MADD: variants seen among roughly 807,000 people sequenced by gnomAD.
MADD encodes MAP kinase activating death domain.
MADD carries 109 observed loss-of-function variants against 176.7 expected under a neutral mutation model. The observed-to-expected ratio is 0.62, with a 90% CI of 0.53 to 0.72. The LOEUF is 0.72. MADD is among the 30% of genes least tolerant of loss of function. MADD has a pLI of 0.00. For missense variants in MADD, 1,914 were observed against 2,045.5 expected (o/e 0.94, Z 1.24); for synonymous variants, 771 against 771.3 (o/e 1.00, Z 0.01).
rs748579399 is a variant in MADD, at chr11:47,297,863, A to C, written c.3642+1808A>C. On this transcript the variant is annotated intron_variant, in intron 22 of 32. Transcript: ENST00000402192. ...GAGTGCAGTGGCGCGATCTCTGCTC[A>C]CTGCAATCTCCACCTCCCAGGTTCA... is the stretch of plus-strand genomic sequence containing the variant. 2.2e-4 allele frequency among the ~76,000 whole-genome samples: 30 copies of C among 135,990 alleles called. 1 individual carries two copies. The highest frequency in any genetic ancestry group is 9.1e-5 in the Non-Finnish European group (6 of 65,848). The allele number at this position is 135,990 out of a possible 152,430, so 89.2% of individuals were successfully genotyped here. A position where few individuals can be genotyped will look rare whatever the true frequency, so the allele number is the denominator to read the frequency against.
chr11:47,316,763 A>C (rs182942166), intron 27 of MADD, among the ~76,000 whole-genome samples: 311 of 151,548 alleles, frequency 2.1e-3, no homozygotes, highest in Non-Finnish European at 3.4e-3. Context: ...TTTTTCTTTG[A>C]GACAGAGTGT....
chr11:47,314,010 G>A lies in MADD; in HGVS notation c.4090-1210G>A, dbSNP rs192202099. 3.0e-3 allele frequency among the ~76,000 whole-genome samples: 461 copies of A among 151,844 alleles called. 6 individuals are homozygous for A. The highest frequency in any genetic ancestry group is 0.011 in the African/African-American group (446 of 41,438). ...CCTGACCTTTTGATCCGCCCACCTC[G>A]GCCTCCCAAAGTGCTGGGATTACAG... On this transcript the variant is annotated intron_variant, in intron 26 of 32. Coordinates refer to ENST00000402192, the Ensembl canonical transcript of MADD.
chr11:47,322,119 G>C (rs1740563707), intron 27 of MADD, among the ~76,000 whole-genome samples: 2 of 152,064 alleles, frequency 1.3e-5, no homozygotes, highest in Admixed American at 1.3e-4. Flanking sequence ...AACTCATTTA[G>C]TCTTCATAGT....
In MADD at chr11:47,326,571, A is replaced by G. The variant is rs548765566; in HGVS notation, c.4543-167A>G. 27 of 1,416,414 alleles carry G rather than the reference A, an allele frequency of 1.9e-5. No homozygotes were observed. The East Asian group carries it at 2.8e-4, about 15-fold the overall frequency. 87.7% of individuals were successfully genotyped at this position (1,416,414 alleles called of 1,614,324 possible). A position where few individuals can be genotyped will look rare whatever the true frequency, so the allele number is the denominator to read the frequency against. On this transcript the variant is annotated intron_variant, in intron 30 of 32. Transcript: ENST00000402192. ...GCGGAAGGTACATGCCCTTTCTGCT[A>G]TCTTCGCTTCTTAGCGCTTTTGAGT...
At chr11:47,286,363 A>G (rs2060637211) in intron 14 of MADD, 70 bp from the exon 15 acceptor site, 1 of 960,622 alleles carries the variant, frequency 1.0e-6, no homozygotes, top group Non-Finnish European at 1.7e-6. Flanking sequence ...GCAGATGCTG[A>G]TAGTCATTAG....
At chr11:47,275,687 G>A (rs568305905) in intron 3 of MADD, among the ~76,000 whole-genome samples, 17 of 152,332 alleles carry the variant, frequency 1.1e-4, no homozygotes, top group Non-Finnish European at 2.5e-4. Flanking sequence ...TTTAACTGTG[G>A]TTAGGACAGT....
chr11:47,290,924 T>A, intron 19 of MADD, 108 bp downstream of exon 20: 1 of 900,366 alleles, frequency 1.1e-6, no homozygotes, highest in Non-Finnish European at 1.7e-6. Flanking sequence ...GCTTTGCTTC[T>A]TAGAGAGGGA....
At chr11:47,315,050 G>A (rs2092318595) in intron 26 of MADD, among the ~76,000 whole-genome samples, 170 bp from the exon 30 acceptor site, 1 of 151,988 alleles carries the variant, frequency 6.6e-6, no homozygotes, top group Non-Finnish European at 1.5e-5. Flanking sequence ...AAGAGATATA[G>A]GGCCTCTGAG....
At chr11:47,289,891 G>C in exon 17 of MADD, 3 of 1,613,964 alleles carry the variant, frequency 1.9e-6, no homozygotes, top group Non-Finnish European at 2.5e-6. Context: ...TCCTGAAGGA[G>C]GTGGTGCACA....
chr11:47,323,164 C>T (rs2094799787), intron 27 of MADD, among the ~76,000 whole-genome samples: 1 of 150,176 alleles, frequency 6.7e-6, no homozygotes, highest in African/African-American at 2.5e-5. Context: ...TTTTAACCCA[C>T]AAGGCAGAGG....
chr11:47,282,715 C>T (rs1407913946), intron 9 of MADD, 98 bp from the exon 10 acceptor site: 1 of 1,588,938 alleles, frequency 6.3e-7, no homozygotes, highest in East Asian at 2.2e-5. Context: ...TGCCTTCTAT[C>T]CTGGCTCTGC....
At chr11:47,309,013 A>G in intron 23 of MADD, 1 of 1,614,096 alleles carries the variant, frequency 6.2e-7, no homozygotes, top group Non-Finnish European at 8.5e-7. Flanking sequence ...GACCAGTTAG[A>G]GGATGCAGCT....
At chr11:47,285,037 G>T (rs766361380) in exon 13 of MADD, 1 of 1,614,084 alleles carries the variant, frequency 6.2e-7, no homozygotes, top group Non-Finnish European at 8.5e-7. Context: ...ATCGAACGTG[G>T]ACAGACGTCA....
At chr11:47,319,990 C>CAAAAAAAAA in intron 27 of MADD, among the ~76,000 whole-genome samples, 1 of 67,858 alleles carries the variant, frequency 1.5e-5, no homozygotes, top group Non-Finnish European at 2.7e-5. Flanking sequence ...GACTCCATCG[C>CAAAAAAAAA]AAAAAAAAAA....
intron 1 of MADD, chr11:47,270,686 A>T (rs1055510): frequency 6.6e-6 from 1 of 151,814 alleles, no homozygotes; most frequent in Admixed American, 6.6e-5. Flanking sequence ...TTAACTTGAT[A>T]TTTCAAAATT....
At chr11:47,310,659 A>C (rs2087871088) in intron 25 of MADD, among the ~76,000 whole-genome samples, 1 of 151,986 alleles carries the variant, frequency 6.6e-6, no homozygotes. Flanking sequence ...TAATCCAAGC[A>C]CTTTGGGAGA....
chr11:47,287,149 C>A (rs533229480), intron 15 of MADD, among the ~76,000 whole-genome samples: 1 of 152,172 alleles, frequency 6.6e-6, no homozygotes, highest in Non-Finnish European at 1.5e-5. Flanking sequence ...CATGGCGAAA[C>A]GCCGTCTCTG....
chr11:47,304,525 T>G (rs1302196605), intron 22 of MADD, among the ~76,000 whole-genome samples: 2 of 152,172 alleles, frequency 1.3e-5, no homozygotes, highest in Non-Finnish European at 2.9e-5. Flanking sequence ...CCCCCACGCC[T>G]GGCCCTCTAT....
intron 22 of MADD, among the ~76,000 whole-genome samples, chr11:47,296,992 C>T (rs1182090332): frequency 6.6e-6 from 1 of 152,070 alleles, no homozygotes; most frequent in African/African-American, 2.4e-5. Context: ...CTAGGCCAGT[C>T]TCAAACTCCT....
Sources: gnomAD v4.1 joint callset for allele counts (sites outside exome capture counted in the v4.1 genomes callset) on GRCh38, gnomAD v4.1.1 for gene constraint, MANE v1.5 for transcripts, NCBI Gene and HGNC (gene_info 2026-07-23, HGNC 2026-07-21) for gene names.